The following NRAS variants were observed in gnomAD, a reference collection of about 807,000 sequenced individuals.
NRAS encodes the protein NRAS proto-oncogene, GTPase.
In NRAS, 6 loss-of-function variants were observed where a neutral mutation model predicts 21.3. The ratio of observed to expected loss-of-function variants is 0.28; its 90% CI spans 0.15 to 0.56. NRAS has a LOEUF of 0.56. Ranked by LOEUF, NRAS falls within the 20% of genes least tolerant of loss-of-function variation. The pLI, the probability that NRAS is intolerant of heterozygous loss-of-function variation, is 0.93. For synonymous variants in NRAS, 84 were observed against 82.0 expected, an observed-to-expected ratio of 1.02 and a Z score of -0.13; for missense variants, 143 against 231.3, an observed-to-expected ratio of 0.62 and a Z score of 2.48.
chr1:114,708,138 TC>T lies in NRAS; in HGVS notation c.*43+15del. The T allele has an allele frequency of 4.8e-6, 1 of 210,170 alleles. No individual in the cohort carries two copies. The highest frequency in any genetic ancestry group is 7.9e-5 in the South Asian group (1 of 12,728). The allele number at this position is 210,170 out of a possible 1,614,324, so 13.0% of individuals were successfully genotyped here. On this transcript the variant is annotated intron_variant, in intron 6 of 6. Transcript: ENST00000369535. Reference sequence around the variant, plus strand: ...AAATTAACAGGAATGAGAATACATTTCCAAACTTGTCCTACCTTGAAAGTGG... The same window carrying T: ...AAATTAACAGGAATGAGAATACATTTCAAACTTGTCCTACCTTGAAAGTGG...
At chr1:114,713,746 T>C in intron 3 of NRAS, 54 bp downstream of exon 3, 1 of 1,462,174 alleles carries the variant, frequency 6.8e-7, no homozygotes, top group South Asian at 1.1e-5. Flanking sequence ...CATTTCCCCA[T>C]AAAGATTCAG....
rs1240492989 is a variant in NRAS at position 114,707,702 on chromosome 1, C to G, written c.*392G>C. The G allele has an allele frequency of 6.6e-6, 1 of 152,530 alleles. No individual in the cohort carries two copies. The highest frequency in any genetic ancestry group is 1.5e-5 in the Non-Finnish European group (1 of 68,022). The allele number at this position is 152,530 out of a possible 1,614,324, so 9.4% of individuals were successfully genotyped here. A position where few individuals can be genotyped will look rare whatever the true frequency, so the allele number is the denominator to read the frequency against. On this transcript the variant is annotated 3_prime_UTR_variant, in exon 7 of 7. Transcript: ENST00000369535. ...GTAAAAAGAAAAAAAAAATCACCAG[C>G]AGTTGCTACTTTAGAGCTCAAGACA...
rs906625427 is a variant in NRAS, at chr1:114,706,072, A to G, written c.*2022T>C. ...AGTAGCACTGCTCCAGAAGGAGCAG[A>G]AACAGAAAAGCAGAATTTCCATTTA... On this transcript the variant is annotated 3_prime_UTR_variant, in exon 7 of 7. Coordinates refer to ENST00000369535, the MANE Select transcript of NRAS (RefSeq NM_002524.5). The G allele has an allele frequency of 6.6e-6, 1 of 152,208 alleles. No individual in the cohort carries two copies. Among genetic ancestry groups the G allele is most frequent in the African/African-American group, 2.4e-5 (1 of 41,450 alleles). 9.4% of individuals were successfully genotyped at this position (152,208 alleles called of 1,614,324 possible).
At chr1:114,716,507 C>G (rs9724616) in intron 1 of NRAS, among the ~76,000 whole-genome samples, 151 bp downstream of exon 1, 1 of 152,214 alleles carries the variant, frequency 6.6e-6, no homozygotes, top group Non-Finnish European at 1.5e-5. Flanking sequence ...CCTTCTGTCT[C>G]CAAAGATCTC....
chr1:114,710,064 G>A (rs777721132), intron 3 of NRAS, among the ~76,000 whole-genome samples: 36 of 151,284 alleles, frequency 2.4e-4, no homozygotes, highest in Admixed American at 1.3e-4. Flanking sequence ...GGTGGCAGGC[G>A]CCTATAGTCC....
intron 2 of NRAS, 68 bp from the exon 3 acceptor site, chr1:114,714,046 A>C (rs1237845598): frequency 2.2e-6 from 2 of 922,540 alleles, no homozygotes; most frequent in African/African-American, 3.3e-5. Context: ...ACCACAGGGA[A>C]TGCAATGCTA....
rs1658959498 is a variant in NRAS at position 114,708,185 on chromosome 1, A to G, written c.*12T>C. 8.0e-6 allele frequency: 2 copies of G among 248,928 alleles called. No individual in the cohort carries two copies. Among genetic ancestry groups the G allele is most frequent in the African/African-American group, 4.5e-5 (2 of 44,346 alleles). 15.4% of individuals were successfully genotyped at this position (248,928 alleles called of 1,614,324 possible). ...AGTGGCTCTTTTCTGACAAAACTTT[A>G]AAAGTATCTGTAAAAAAAGAACAGA... is the stretch of plus-strand genomic sequence containing the variant. On this transcript the variant is annotated 3_prime_UTR_variant, in exon 6 of 7. Transcript: ENST00000369535.
In NRAS at chr1:114,715,994, G is replaced by A. The variant is rs1659154892; in HGVS notation, c.111+56C>T. The A allele has an allele frequency of 5.7e-6, 6 of 1,060,318 alleles. No homozygotes were observed. The South Asian group carries it at 6.2e-5, about 11-fold the overall frequency. 65.7% of individuals were successfully genotyped at this position (1,060,318 alleles called of 1,614,324 possible). ...TCCTTTAATACAGAATATGGGTAAA[G>A]ATGATCCGACAAGTGAGAGACAGGA... On this transcript the variant is annotated intron_variant, in intron 2 of 6. Transcript: ENST00000369535.
At position 114,706,723 on chromosome 1, in the gene NRAS, C is replaced by T. The variant is rs1658926872; in HGVS notation, c.*1371G>A. 1.3e-5 allele frequency: 2 copies of T among 152,152 alleles called. No homozygotes were observed. Among genetic ancestry groups the T allele is most frequent in the South Asian group, 4.1e-4 (2 of 4,828 alleles). 9.4% of individuals were successfully genotyped at this position (152,152 alleles called of 1,614,324 possible). A position where few individuals can be genotyped will look rare whatever the true frequency, so the allele number is the denominator to read the frequency against. ...TGCAGGGCTAACTGCAGCTACCTAG[C>T]AAAATTACTAGCTGGAGTTACTGGT... On this transcript the variant is annotated 3_prime_UTR_variant, in exon 7 of 7. Coordinates refer to ENST00000369535, the MANE Select transcript of NRAS (RefSeq NM_002524.5).
Position 114,709,557 on chromosome 1 carries a change from G to A in NRAS, c.450+12C>T, listed in dbSNP as rs749906475. The A allele has an allele frequency of 2.0e-5, 33 of 1,611,394 alleles. 1 individual carries two copies. Among genetic ancestry groups the A allele is most frequent in the Non-Finnish European group, 2.5e-5 (30 of 1,177,594 alleles). ...GCAAACTCTTGCACAAATGCTGAAA[G>A]CTGTACCATACCTGTCTGGTCTTGG... On this transcript the variant is annotated intron_variant, in intron 4 of 6. Coordinates refer to ENST00000369535, the MANE Select transcript of NRAS (RefSeq NM_002524.5).
At chr1:114,715,491 A>G (rs1000946088) in intron 2 of NRAS, among the ~76,000 whole-genome samples, 2 of 152,204 alleles carry the variant, frequency 1.3e-5, no homozygotes, top group Non-Finnish European at 2.9e-5. Context: ...TGTGGTAGGC[A>G]GGACAAGTTT....
At chr1:114,714,273 C>T (rs1040494218) in intron 2 of NRAS, among the ~76,000 whole-genome samples, 27 of 152,210 alleles carry the variant, frequency 1.8e-4, no homozygotes, top group Admixed American at 1.2e-3. Context: ...GACAACTCTA[C>T]TGCAGCCAGG....
chr1:114,715,205 T>G (rs1659129613), intron 2 of NRAS, among the ~76,000 whole-genome samples: 1 of 152,108 alleles, frequency 6.6e-6, no homozygotes, highest in Non-Finnish European at 1.5e-5. Context: ...TTTTGTATTT[T>G]TAGTAGAGAC....
At chr1:114,712,694 CT>C (rs1201526645) in intron 3 of NRAS, among the ~76,000 whole-genome samples, 3 of 152,200 alleles carry the variant, frequency 2.0e-5, no homozygotes, top group African/African-American at 4.8e-5. Flanking sequence ...AGACTCAAGC[CT>C]TTAGGCAGAA....
chr1:114,707,416 A>G lies in NRAS; in HGVS notation c.*678T>C, dbSNP rs1473222372. On this transcript the variant is annotated 3_prime_UTR_variant, in exon 7 of 7. Coordinates refer to ENST00000369535, the MANE Select transcript of NRAS (RefSeq NM_002524.5). The stretch of plus-strand genomic sequence containing the variant: ...GAGACATCTATTCCACTGAAATATT[A>G]TAAAGGAAGTCTACAAACCACTTCT... 1 of 152,648 alleles carries G rather than the reference A, an allele frequency of 6.6e-6. No homozygotes were observed. Among genetic ancestry groups the G allele is most frequent in the African/African-American group, 2.4e-5 (1 of 41,456 alleles). 9.5% of individuals were successfully genotyped at this position (152,648 alleles called of 1,614,324 possible). A position where few individuals can be genotyped will look rare whatever the true frequency, so the allele number is the denominator to read the frequency against.
rs754089086 is a variant in NRAS at position 114,707,443 on chromosome 1, G to A, written c.*651C>T. 10 of 152,622 alleles carry A rather than the reference G, an allele frequency of 6.6e-5. No individual in the cohort carries two copies. In the East Asian group the frequency reaches 1.9e-3, roughly 29 times the overall value. The allele number at this position is 152,622 out of a possible 1,614,324, so 9.5% of individuals were successfully genotyped here. A position where few individuals can be genotyped will look rare whatever the true frequency, so the allele number is the denominator to read the frequency against. On this transcript the variant is annotated 3_prime_UTR_variant, in exon 7 of 7. Transcript: ENST00000369535. Reference sequence around the variant, plus strand: ...AAAGGAAGTCTACAAACCACTTCTAGGAAAAAGGCACTTCACTGTGAAAGT... The same window carrying A: ...AAAGGAAGTCTACAAACCACTTCTAAGAAAAAGGCACTTCACTGTGAAAGT...
chr1:114,710,602 T>C (rs1659025954), intron 3 of NRAS, among the ~76,000 whole-genome samples: 1 of 151,962 alleles, frequency 6.6e-6, no homozygotes, highest in Non-Finnish European at 1.5e-5. Flanking sequence ...AGAGACAAGA[T>C]TTCAGGAAGG....
intron 4 of NRAS, 68 bp from the exon 5 acceptor site, chr1:114,708,722 C>T: frequency 6.8e-7 from 1 of 1,467,962 alleles, no homozygotes; most frequent in Non-Finnish European, 9.5e-7. Context: ...ATTATAAGCT[C>T]TCTTGCATTT....
chr1:114,711,618 AC>A (rs1462358897), intron 3 of NRAS, among the ~76,000 whole-genome samples: 2,032 of 21,472 alleles, frequency 0.095, 34 homozygotes, highest in East Asian at 0.37. Flanking sequence ...AAAAAAAAAA[AC>A]AAACAAACAA....
Sources: gnomAD v4.1 joint callset for allele counts (sites outside exome capture counted in the v4.1 genomes callset) on GRCh38, gnomAD v4.1.1 for gene constraint, MANE v1.5 for transcripts, NCBI Gene and HGNC (gene_info 2026-07-23, HGNC 2026-07-21) for gene names.